The following UBD variants were observed in gnomAD, a reference collection of about 807,000 sequenced individuals.
UBD encodes ubiquitin like modifier D.
A neutral mutation model predicts 2.3 loss-of-function variants in UBD; 1 was observed. That is an observed-to-expected ratio of 0.43 (90% CI 0.15 to 2.06). The LOEUF (loss-of-function observed/expected upper bound fraction) is 2.06. UBD is among the 30% of genes most tolerant of loss of function. The probability of loss-of-function intolerance (pLI) is 0.29; values close to 1 mark genes in which losing one functional copy is unlikely to be tolerated. For synonymous variants in UBD, 75 were observed against 76.5 expected (o/e 0.98, Z 0.10); for missense variants, 175 against 199.3 (o/e 0.88, Z 0.73).
At chr6:29,559,549 T>A in intron 1 of UBD, 126 bp downstream of exon 1, 1 of 887,246 alleles carries the variant, frequency 1.1e-6, no homozygotes, top group South Asian at 1.8e-5. Context: ...CAGCCTCTTC[T>A]CCTGAAGGAT....
rs1373155193 is a variant in UBD, at chr6:29,555,985, A to C, written c.393T>G (p.Ile131Met). ...TKTGIIPETQ[I>M]VTCNGKRLED... ...CCAGTCTCTTTCCATTGCAAGTCAC[A>C]ATCTGGGTCTCAGGGATTATACCCG... Residue 131 changes from isoleucine (I) to methionine (M), a missense_variant, in exon 2 of 2, where the codon ATT becomes ATG. Transcript: ENST00000377050. The C allele has an allele frequency of 1.1e-5, 17 of 1,612,944 alleles. No homozygotes were observed. The highest frequency in any genetic ancestry group is 2.7e-5 in the African/African-American group (2 of 74,914).
In UBD at chr6:29,555,707, C is replaced by G; in HGVS notation, c.*173G>C. The G allele has an allele frequency of 3.4e-6, 2 of 587,628 alleles. No individual in the cohort carries two copies. Among genetic ancestry groups the G allele is most frequent in the South Asian group, 4.6e-5 (2 of 43,688 alleles). The allele number at this position is 587,628 out of a possible 1,614,324, so 36.4% of individuals were successfully genotyped here. On this transcript the variant is annotated 3_prime_UTR_variant, in exon 2 of 2. Coordinates refer to ENST00000377050, the MANE Select transcript of UBD (RefSeq NM_006398.4). ...GTCACTTAATTAATTGTGTTAGAAT[C>G]AAAGAAACATAGAGTTGGGCAATAT...
In UBD at chr6:29,555,683, T is replaced by A. The variant is rs1387539626; in HGVS notation, c.*197A>T. The A allele has an allele frequency of 5.2e-6, 3 of 574,938 alleles. No individual in the cohort carries two copies. The highest frequency in any genetic ancestry group is 9.2e-6 in the Non-Finnish European group (3 of 326,674). The allele number at this position is 574,938 out of a possible 1,614,324, so 35.6% of individuals were successfully genotyped here. A position where few individuals can be genotyped will look rare whatever the true frequency, so the allele number is the denominator to read the frequency against. On this transcript the variant is annotated 3_prime_UTR_variant, in exon 2 of 2. Transcript: ENST00000377050. The stretch of plus-strand genomic sequence containing the variant: ...CAGTAATACATTAGTAAAAATCATG[T>A]CACTTAATTAATTGTGTTAGAATCA...
At position 29,556,316 on chromosome 6, in the gene UBD, G is replaced by A. The variant is rs767720891; in HGVS notation, c.62C>T (p.Thr21Ile). Residue 21 changes from threonine to isoleucine, a missense_variant, in exon 2 of 2, where the codon ACC becomes ATC. Transcript: ENST00000377050. Reference sequence around the variant, plus strand: ...GCTGTCATATGGGTTGGCATCAAAGGTCATTAAATCCCATTCCTCGGAACG... The same window carrying A: ...GCTGTCATATGGGTTGGCATCAAAGATCATTAAATCCCATTCCTCGGAACG... ...HVRSEEWDLM[T>I]FDANPYDSVK... The A allele has an allele frequency of 1.2e-5, 19 of 1,612,540 alleles. No homozygotes were observed. The African/African-American group carries it at 2.1e-4, about 18-fold the overall frequency.
chr6:29,558,876 A>AC (rs1762660591), intron 1 of UBD, among the ~76,000 whole-genome samples: 2 of 152,124 alleles, frequency 1.3e-5, no homozygotes, highest in Admixed American at 1.3e-4. Context: ...GAGGCCAAGA[A>AC]CCCCAGGTCA....
At chr6:29,557,152 A>T (rs1336096403) in intron 1 of UBD, 1 of 152,208 alleles carries the variant, frequency 6.6e-6, no homozygotes, top group Non-Finnish European at 1.5e-5. Context: ...GGCAAAAGTT[A>T]AGTCATGCAT....
chr6:29,556,478 G>T, intron 1 of UBD, 128 bp from the exon 2 acceptor site: 2 of 630,470 alleles, frequency 3.2e-6, no homozygotes, highest in Non-Finnish European at 5.4e-6. Flanking sequence ...AGTAGCCAGT[G>T]TCCCTCTCTT....
chr6:29,556,434 T>C (rs1762526403), intron 1 of UBD, 84 bp from the exon 2 acceptor site: 3 of 956,588 alleles, frequency 3.1e-6, no homozygotes. Context: ...GCTCCCCCTC[T>C]TCCACTATCT....
intron 1 of UBD, among the ~76,000 whole-genome samples, chr6:29,559,214 CA>C (rs1478995609): frequency 6.6e-6 from 1 of 152,222 alleles, no homozygotes; most frequent in East Asian, 1.9e-4. Context: ...CTGTGTTAAG[CA>C]TTGCCTTAAT....
chr6:29,559,601 C>G, intron 1 of UBD, 74 bp downstream of exon 1: 1 of 1,556,438 alleles, frequency 6.4e-7, no homozygotes, highest in Non-Finnish European at 8.8e-7. Context: ...GCCCAGCCCC[C>G]GTTTCTAAGA....
intron 1 of UBD, among the ~76,000 whole-genome samples, chr6:29,558,944 C>T (rs949946738): frequency 2.6e-5 from 4 of 152,186 alleles, no homozygotes; most frequent in Non-Finnish European, 5.9e-5. Flanking sequence ...TGGAAGCAGC[C>T]CACCACCATC....
chr6:29,558,730 C>T (rs796361665), intron 1 of UBD, among the ~76,000 whole-genome samples: 1 of 152,222 alleles, frequency 6.6e-6, no homozygotes, highest in Non-Finnish European at 1.5e-5. Flanking sequence ...TTGTTCTGCA[C>T]GGCTAAGTGC....
At chr6:29,559,580 C>G (rs1762701889) in intron 1 of UBD, 95 bp downstream of exon 1, 1 of 1,356,524 alleles carries the variant, frequency 7.4e-7, no homozygotes, top group Non-Finnish European at 1.0e-6. Context: ...CCCCCCAGAG[C>G]CCTGAGTACT....
chr6:29,559,367 A>G (rs1373983864), intron 1 of UBD, among the ~76,000 whole-genome samples: 2 of 152,238 alleles, frequency 1.3e-5, no homozygotes, highest in African/African-American at 2.4e-5. Flanking sequence ...AAATGTTACC[A>G]TAATTTCAAA....
In UBD at chr6:29,559,682, C is replaced by T. The variant is rs1368504872; in HGVS notation, c.20G>A (p.Cys7Tyr). MAPNAS[C>Y]LCVHVRSEEW... is the part of the protein sequence containing the mutation. ...TATCAAATCCCAACTTACACAGAGGCAGGAAGCATTGGGAGCCATCTCTGC... is the reference window on the plus strand; with the variant it reads ...TATCAAATCCCAACTTACACAGAGGTAGGAAGCATTGGGAGCCATCTCTGC... The change falls in exon 1 of 2, where the codon TGC (cysteine) becomes TAC (tyrosine). Residue 7 changes from cysteine (C) to tyrosine (Y), a missense_variant. Physicochemically the swap from Cys to Tyr is radical, Grantham distance 194 (BLOSUM62 -2). Coordinates refer to ENST00000377050, the MANE Select transcript of UBD (RefSeq NM_006398.4). 1.2e-6 allele frequency: 2 copies of T among 1,612,898 alleles called. No individual in the cohort carries two copies. The highest frequency in any genetic ancestry group is 1.3e-5 in the African/African-American group (1 of 74,902).
At chr6:29,557,224 C>T (rs1762568216) in intron 1 of UBD, 1 of 152,152 alleles carries the variant, frequency 6.6e-6, no homozygotes, top group Admixed American at 6.5e-5. Flanking sequence ...TCTCTAGCAG[C>T]TAAACAAGCA....
In UBD at chr6:29,555,815, C is replaced by A; in HGVS notation, c.*65G>T. 7.7e-7 allele frequency: 1 copy of A among 1,297,978 alleles called. No homozygotes were observed. Among genetic ancestry groups the A allele is most frequent in the South Asian group, 1.3e-5 (1 of 75,138 alleles). 80.4% of individuals were successfully genotyped at this position (1,297,978 alleles called of 1,614,324 possible). A position where few individuals can be genotyped will look rare whatever the true frequency, so the allele number is the denominator to read the frequency against. On this transcript the variant is annotated 3_prime_UTR_variant, in exon 2 of 2. Coordinates refer to ENST00000377050, the MANE Select transcript of UBD (RefSeq NM_006398.4). ...TTGGGAAATCATCAGAAGATGTGTTCGTTGAGTAAGAGATTAAAAGAAATA... is the reference window on the plus strand; with the variant it reads ...TTGGGAAATCATCAGAAGATGTGTTAGTTGAGTAAGAGATTAAAAGAAATA...
At chr6:29,558,509 G>A (rs755281734) in intron 1 of UBD, among the ~76,000 whole-genome samples, 28 of 152,222 alleles carry the variant, frequency 1.8e-4, no homozygotes, top group Non-Finnish European at 3.2e-4. Flanking sequence ...TGGGAGCTCT[G>A]TCTTCACTCT....
chr6:29,559,665 C>A lies in UBD; in HGVS notation c.27+10G>T. Reference sequence around the variant, plus strand: ...CCTTTCCCCATCCCCTTTATCAAATCCCAACTTACACAGAGGCAGGAAGCA... The same window carrying A: ...CCTTTCCCCATCCCCTTTATCAAATACCAACTTACACAGAGGCAGGAAGCA... On this transcript the variant is annotated intron_variant, in intron 1 of 1. Transcript: ENST00000377050. 6.2e-7 allele frequency: 1 copy of A among 1,612,996 alleles called. No individual in the cohort carries two copies. Among genetic ancestry groups the A allele is most frequent in the Non-Finnish European group, 8.5e-7 (1 of 1,180,006 alleles).
Sources: gnomAD v4.1 joint callset for allele counts (sites outside exome capture counted in the v4.1 genomes callset) on GRCh38, gnomAD v4.1.1 for gene constraint, MANE v1.5 for transcripts, NCBI Gene and HGNC (gene_info 2026-07-23, HGNC 2026-07-21) for gene names.